LIPA: variants seen among roughly 807,000 people sequenced by gnomAD.
LIPA encodes the protein lysosomal acid lipase/cholesteryl ester hydrolase.
LIPA carries 26 observed loss-of-function variants against 40.6 expected under a neutral mutation model. That is an observed-to-expected ratio of 0.64 (90% confidence interval 0.47 to 0.89). The LOEUF (loss-of-function observed/expected upper bound fraction) is 0.89, where lower values mean the gene tolerates loss of function less well. Ranked by LOEUF, LIPA falls within the 40% of genes least tolerant of loss-of-function variation. The pLI is 0.00. For synonymous variants in LIPA, 188 were observed against 168.4 expected, an observed-to-expected ratio of 1.12 and a Z score of -0.90; for missense variants, 455 against 479.6, an observed-to-expected ratio of 0.95 and a Z score of 0.48.
rs372376851 is a variant in LIPA, at chr10:89,225,073, A to G, written c.675+19T>C. The G allele has an allele frequency of 1.9e-6, 3 of 1,613,166 alleles. No individual in the cohort carries two copies. In the African/African-American group the frequency reaches 4.0e-5, roughly 22 times the overall value. On this transcript the variant is annotated intron_variant, in intron 6 of 9. Coordinates refer to ENST00000336233, the MANE Select transcript of LIPA (RefSeq NM_000235.4). ...GGAAATCTGCGGGGAGAGGAGAGGGATGGGAGGGGTCCAAGTACCTTAATG... is the reference window on the plus strand; with the variant it reads ...GGAAATCTGCGGGGAGAGGAGAGGGGTGGGAGGGGTCCAAGTACCTTAATG...
intron 2 of LIPA, chr10:89,392,668 G>C (rs1844273903): frequency 1.9e-6 from 3 of 1,612,368 alleles, no homozygotes; most frequent in Non-Finnish European, 2.5e-6. Flanking sequence ...AGAGGAGCCT[G>C]GCTAAGCAAA....
chr10:89,248,169 A>ATT (rs771857161), intron 1 of LIPA, among the ~76,000 whole-genome samples: 2 of 120,642 alleles, frequency 1.7e-5, no homozygotes, highest in Non-Finnish European at 1.7e-5. Context: ...CTGCCCAGGA[A>ATT]TTTTTTTTTT....
At chr10:89,376,930 G>A (rs1378889047) in intron 2 of LIPA, among the ~76,000 whole-genome samples, 1 of 152,130 alleles carries the variant, frequency 6.6e-6, no homozygotes, top group Non-Finnish European at 1.5e-5. Flanking sequence ...AGTTTCATTT[G>A]GTAATTATGA....
At chr10:89,304,280 A>C (rs1843463896) in intron 1 of LIPA, among the ~76,000 whole-genome samples, 1 of 130,568 alleles carries the variant, frequency 7.7e-6, no homozygotes, top group Non-Finnish European at 1.6e-5. Context: ...GGAGCCCCGG[A>C]GAGTGCTTGG....
intron 1 of LIPA, among the ~76,000 whole-genome samples, chr10:89,325,174 T>C (rs12098668): frequency 0.039 from 5,972 of 152,248 alleles, 386 homozygotes; most frequent in African/African-American, 0.13. Context: ...TATCATGTCA[T>C]ACCAGTCAGA....
At chr10:89,350,451 G>A (rs532147880) in intron 2 of LIPA, among the ~76,000 whole-genome samples, 4 of 152,060 alleles carry the variant, frequency 2.6e-5, no homozygotes, top group African/African-American at 7.2e-5. Context: ...GACTACAGGC[G>A]CATGCCACCA....
Position 89,215,939 on chromosome 10 carries a change from T to G in LIPA, c.965A>C (p.Gln322Pro). Reference protein sequence around the residue: ...SSAKNYFHYNQSYPPTYNVKD... With the variant: ...SSAKNYFHYNPSYPPTYNVKD... ...TAATGAAAAGACTAAAAACTTTACC[T>G]GGTTGTAATGAAAATAATTCTTGGC... The change falls in exon 9 of 10, where the codon CAG (glutamine) becomes CCG (proline). Residue 322 changes from glutamine to proline, a missense_variant and splice_region_variant. Coordinates refer to ENST00000336233, the MANE Select transcript of LIPA (RefSeq NM_000235.4). 1 of 1,603,438 alleles carries G rather than the reference T, an allele frequency of 6.2e-7. No individual in the cohort carries two copies. Among genetic ancestry groups the G allele is most frequent in the Non-Finnish European group, 8.5e-7 (1 of 1,170,282 alleles).
chr10:89,395,260 G>A (rs1844324876), intron 2 of LIPA, among the ~76,000 whole-genome samples: 1 of 131,326 alleles, frequency 7.6e-6, no homozygotes, highest in African/African-American at 2.9e-5. Context: ...TGGCAAAATT[G>A]CACCTGCTTG....
At chr10:89,254,863 G>A (rs553931356), upstream of LIPA, among the ~76,000 whole-genome samples, 2 of 152,142 alleles carry the variant, frequency 1.3e-5, no homozygotes, top group African/African-American at 4.8e-5. Context: ...GGGACAAAAT[G>A]CCCCCAGTAT....
intron 2 of LIPA, among the ~76,000 whole-genome samples, chr10:89,351,326 C>T (rs899981932): frequency 6.6e-6 from 1 of 152,114 alleles, no homozygotes; most frequent in Admixed American, 6.6e-5. Context: ...CAATAAAAAT[C>T]TTTAATGCAC....
chr10:89,406,776 G>A lies in LIPA; in HGVS notation c.61+6015C>T, dbSNP rs549819730. ...ACTGCAACACTCACTGTGAGGGTCCGCAGCTTCATTCTTGAAGTCAGCGAG... is the reference window on the plus strand; with the variant it reads ...ACTGCAACACTCACTGTGAGGGTCCACAGCTTCATTCTTGAAGTCAGCGAG... On this transcript the variant is annotated intron_variant, in intron 2 of 8. Transcript: ENST00000371837. Among the ~76,000 whole-genome samples, 31 of 152,242 alleles carry A rather than the reference G, an allele frequency of 2.0e-4. 1 individual carries two copies. Among genetic ancestry groups the A allele is most frequent in the Admixed American group, 1.8e-3 (28 of 15,296 alleles).
At chr10:89,325,835 G>A (rs1843595021) in intron 1 of LIPA, among the ~76,000 whole-genome samples, 1 of 151,828 alleles carries the variant, frequency 6.6e-6, no homozygotes, top group South Asian at 2.1e-4. Context: ...TAACAAACCT[G>A]TACGTGTATA....
chr10:89,289,823 C>T (rs529519948), intron 1 of LIPA, among the ~76,000 whole-genome samples: 9 of 152,272 alleles, frequency 5.9e-5, no homozygotes, highest in East Asian at 1.9e-4. Context: ...CTCTTATTCT[C>T]GTTCCCATTC....
chr10:89,381,370 CT>C (rs565219021), intron 2 of LIPA, among the ~76,000 whole-genome samples: 113 of 152,246 alleles, frequency 7.4e-4, no homozygotes, highest in African/African-American at 2.7e-3. Flanking sequence ...ATTAATTTTA[CT>C]TACTCCTGAC....
At chr10:89,261,960 C>T (rs193033446) in intron 1 of LIPA, among the ~76,000 whole-genome samples, 20 of 152,310 alleles carry the variant, frequency 1.3e-4, no homozygotes, top group Admixed American at 4.6e-4. Flanking sequence ...CCCTCTTTTA[C>T]TTCAGGCCTG....
intron 1 of LIPA, among the ~76,000 whole-genome samples, chr10:89,292,698 A>T (rs758853168): frequency 6.6e-6 from 1 of 152,154 alleles, no homozygotes; most frequent in Non-Finnish European, 1.5e-5. Flanking sequence ...ACGTTCTGTC[A>T]CACAGGCTGG....
chr10:89,219,408 A>G (rs1256393084), intron 8 of LIPA, among the ~76,000 whole-genome samples: 1 of 152,218 alleles, frequency 6.6e-6, no homozygotes, highest in Non-Finnish European at 1.5e-5. Flanking sequence ...GTGAGAAGTA[A>G]TATCAAGTCT....
intron 1 of LIPA, among the ~76,000 whole-genome samples, chr10:89,262,892 T>C (rs990658606): frequency 8.5e-5 from 13 of 152,230 alleles, no homozygotes; most frequent in African/African-American, 3.1e-4. Flanking sequence ...CAGTTGACAA[T>C]CACTTTTTGT....
At chr10:89,297,274 C>A (rs1843420800) in intron 1 of LIPA, among the ~76,000 whole-genome samples, 1 of 152,202 alleles carries the variant, frequency 6.6e-6, no homozygotes, top group Non-Finnish European at 1.5e-5. Context: ...CCCATACAAA[C>A]TCTGACACCA....
Sources: allele counts gnomAD v4.1 joint callset (sites outside exome capture counted in the v4.1 genomes callset), GRCh38; gene constraint gnomAD v4.1.1; transcripts MANE v1.5; gene names NCBI Gene and HGNC (gene_info 2026-07-23, HGNC 2026-07-21).